The following VPS13C variants were observed in gnomAD, a reference collection of about 807,000 sequenced individuals.
VPS13C encodes vacuolar protein sorting 13 homolog C, also known as intermembrane lipid transfer protein VPS13C.
A neutral mutation model predicts 456.8 loss-of-function variants in VPS13C; 358 were observed. That is an observed-to-expected ratio of 0.78 (90% confidence interval 0.72 to 0.86). The LOEUF (loss-of-function observed/expected upper bound fraction) is 0.86, where lower values mean the gene tolerates loss of function less well. Among genes scored for constraint, VPS13C ranks in the 40% least tolerant of loss-of-function variants. The pLI is 0.00. For missense variants in VPS13C, 4,818 were observed against 4,385.4 expected (o/e 1.10, Z -2.79); for synonymous variants, 1,578 against 1,486.7 (o/e 1.06, Z -1.41).
chr15:62,030,413 C>A (rs768167685), intron 5 of VPS13C, among the ~76,000 whole-genome samples: 4 of 152,162 alleles, frequency 2.6e-5, no homozygotes, highest in Middle Eastern at 3.4e-3. Context: ...GACAGGCCTG[C>A]TTCCAATTCA....
In VPS13C at chr15:61,917,612, G is replaced by C; in HGVS notation, c.7784C>G (p.Ala2595Gly). 1 of 1,611,704 alleles carries C rather than the reference G, an allele frequency of 6.2e-7. No individual in the cohort carries two copies. Among genetic ancestry groups the C allele is most frequent in the South Asian group, 1.1e-5 (1 of 91,024 alleles). The change falls in exon 60 of 85, where the codon GCT (alanine) becomes GGT (glycine). Residue 2595 changes from alanine to glycine, a missense_variant. This residue lies in a region of VPS13C where 4,552 missense variants were observed against 4,130.6 expected (regional missense o/e 1.10). Transcript: ENST00000644861. ...TTTGTACTGATGCTCTAAGATTCCA[G>C]CTGGCTGGATAAACAATTGACATCT... ...SYRCQLFIQP[A>G]GILEHQYKES... is the part of the protein sequence containing the mutation.
chr15:61,998,662 C>T (rs2046477307), intron 16 of VPS13C, among the ~76,000 whole-genome samples: 1 of 152,162 alleles, frequency 6.6e-6, no homozygotes, highest in East Asian at 1.9e-4. Context: ...CATCTGACTC[C>T]CAAGTCTATA....
chr15:61,985,617 A>T (rs1174645191), intron 18 of VPS13C, among the ~76,000 whole-genome samples: 3 of 152,196 alleles, frequency 2.0e-5, no homozygotes, highest in Non-Finnish European at 4.4e-5. Flanking sequence ...TGGCATAAAG[A>T]TTCAATTCAG....
At position 61,880,830 on chromosome 15, in the gene VPS13C, T is replaced by C. The variant is rs761220846; in HGVS notation, c.9888+13A>G. 8 of 1,579,126 alleles carry C rather than the reference T, an allele frequency of 5.1e-6. No homozygotes were observed. The highest frequency in any genetic ancestry group is 1.4e-5 in the African/African-American group (1 of 72,658). On this transcript the variant is annotated intron_variant, in intron 72 of 84. Coordinates refer to ENST00000644861, the MANE Select transcript of VPS13C (RefSeq NM_020821.3). Reference sequence around the variant, plus strand: ...TTAATTTTATATTTTCCCCAAGAAATAAAAATTTTTACCCGTCTTCTTTCA... The same window carrying C: ...TTAATTTTATATTTTCCCCAAGAAACAAAAATTTTTACCCGTCTTCTTTCA...
intron 15 of VPS13C, 103 bp from the exon 16 acceptor site, chr15:62,000,729 G>C: frequency 1.2e-6 from 1 of 816,634 alleles, no homozygotes; most frequent in Middle Eastern, 3.5e-4. Flanking sequence ...ATCAGTACCT[G>C]TGACCTAATG....
chr15:62,039,232 A>G (rs940151977), intron 3 of VPS13C, among the ~76,000 whole-genome samples: 4 of 152,224 alleles, frequency 2.6e-5, no homozygotes, highest in Non-Finnish European at 5.9e-5. Flanking sequence ...ATACATATAT[A>G]CCATGCAATA....
chr15:61,881,175 C>T (rs1895823450), intron 71 of VPS13C, among the ~76,000 whole-genome samples: 1 of 152,036 alleles, frequency 6.6e-6, no homozygotes, highest in Non-Finnish European at 1.5e-5. Context: ...CAATTACAGT[C>T]CCAAATGCCA....
At position 62,000,612 on chromosome 15, in the gene VPS13C, A is replaced by AGTC. The variant is rs2046576947; in HGVS notation, c.1302_1304dup (p.Thr435dup). 3 of 1,606,022 alleles carry AGTC rather than the reference A, an allele frequency of 1.9e-6. No homozygotes were observed. Among genetic ancestry groups the AGTC allele is most frequent in the African/African-American group, 2.7e-5 (2 of 74,566 alleles). ...CTAAAATTATGTTAAAAACATCTAG[A>AGTC]GTCTTCTCCAAGTCCTGTAAAAAAC... On this transcript the variant is annotated inframe_insertion, in exon 16 of 85. Transcript: ENST00000644861.
chr15:61,988,687 GACTGAT>G (rs1342986500), intron 18 of VPS13C, among the ~76,000 whole-genome samples: 2 of 152,126 alleles, frequency 1.3e-5, no homozygotes, highest in Non-Finnish European at 2.9e-5. Flanking sequence ...AAGGTCAAAG[GACTGAT>G]TACAAAGTTA....
intron 8 of VPS13C, among the ~76,000 whole-genome samples, chr15:62,021,274 G>A (rs531785625): frequency 5.8e-4 from 88 of 151,820 alleles, no homozygotes; most frequent in African/African-American, 2.0e-3. Context: ...CACTGCACTT[G>A]TACTCCTTAA....
intron 16 of VPS13C, among the ~76,000 whole-genome samples, chr15:61,994,624 CTG>C (rs1048320702): frequency 6.6e-5 from 10 of 151,172 alleles, no homozygotes; most frequent in Non-Finnish European, 1.2e-4. Context: ...GATTCTCACT[CTG>C]TCACCCAGGC....
At chr15:62,045,435 G>A (rs1386096244) in intron 1 of VPS13C, among the ~76,000 whole-genome samples, 1 of 152,136 alleles carries the variant, frequency 6.6e-6, no homozygotes, top group East Asian at 1.9e-4. Flanking sequence ...GAAGGTTTAA[G>A]TAGTATTTAC....
At chr15:62,001,133 G>A (rs1419594530) in intron 15 of VPS13C, among the ~76,000 whole-genome samples, 1 of 152,160 alleles carries the variant, frequency 6.6e-6, no homozygotes, top group Non-Finnish European at 1.5e-5. Flanking sequence ...CATTAACCAG[G>A]TGACCTGTGT....
At chr15:61,975,827 C>A (rs559500564) in intron 24 of VPS13C, among the ~76,000 whole-genome samples, 2 of 152,014 alleles carry the variant, frequency 1.3e-5, no homozygotes, top group Admixed American at 6.6e-5. Context: ...AAATATAAAA[C>A]TTTGTAACAA....
In VPS13C at chr15:61,854,338, C is replaced by T. The variant is rs910736915; in HGVS notation, c.*119G>A. The T allele has an allele frequency of 2.0e-6, 2 of 977,768 alleles. No individual in the cohort carries two copies. The highest frequency in any genetic ancestry group is 3.3e-5 in the African/African-American group (2 of 61,512). The allele number at this position is 977,768 out of a possible 1,614,324, so 60.6% of individuals were successfully genotyped here. ...CTAGAAAACCCAATACTAGCTATTC[C>T]AGAAAACTAAAACTAAAGGATTGCT... On this transcript the variant is annotated 3_prime_UTR_variant, in exon 85 of 85. Transcript: ENST00000644861.
At chr15:61,889,382 G>A (rs1248872681) in intron 67 of VPS13C, among the ~76,000 whole-genome samples, 4 of 151,752 alleles carry the variant, frequency 2.6e-5, no homozygotes, top group African/African-American at 9.7e-5. Flanking sequence ...TAGTTTCTCA[G>A]GTGTTGTGCA....
At chr15:61,866,587 T>G in intron 81 of VPS13C, 1 of 985,150 alleles carries the variant, frequency 1.0e-6, no homozygotes, top group Non-Finnish European at 1.2e-6. Flanking sequence ...TTATTTGTGC[T>G]TGACTCTCCT....
intron 1 of VPS13C, among the ~76,000 whole-genome samples, chr15:62,055,606 C>T (rs374967703): frequency 3.9e-5 from 6 of 151,950 alleles, no homozygotes; most frequent in East Asian, 3.9e-4. Context: ...AATATATGCA[C>T]ACTATGATGT....
intron 42 of VPS13C, among the ~76,000 whole-genome samples, chr15:61,948,458 G>A (rs2044680300): frequency 6.6e-6 from 1 of 152,062 alleles, no homozygotes; most frequent in East Asian, 1.9e-4. Context: ...GAGGCAGGTG[G>A]AGCACCTGAG....
Sources: gnomAD v4.1 joint callset for allele counts (sites outside exome capture counted in the v4.1 genomes callset) on GRCh38, gnomAD v4.1.1 for gene constraint, gnomAD v4.1.1 regional missense constraint, MANE v1.5 for transcripts, NCBI Gene and HGNC (gene_info 2026-07-23, HGNC 2026-07-21) for gene names.